The following SLC26A7 variants were observed in gnomAD, a reference collection of about 807,000 sequenced individuals.
The protein encoded by SLC26A7 is anion exchange transporter.
Under a neutral mutation model 82.5 loss-of-function variants are expected in SLC26A7, and 59 were observed. The observed-to-expected ratio is 0.72, with a 90% CI of 0.58 to 0.89. The LOEUF (loss-of-function observed/expected upper bound fraction) is 0.89, where lower values mean the gene tolerates loss of function less well. SLC26A7 is among the 40% of genes least tolerant of loss of function. The pLI is 0.00. For missense variants in SLC26A7, 820 were observed against 793.0 expected, an observed-to-expected ratio of 1.03 and a Z score of -0.41; for synonymous variants, 271 against 274.3, an observed-to-expected ratio of 0.99 and a Z score of 0.12.
chr8:91,383,626 A>G (rs1225065069), intron 15 of SLC26A7, among the ~76,000 whole-genome samples: 1 of 152,206 alleles, frequency 6.6e-6, no homozygotes, highest in Non-Finnish European at 1.5e-5. Flanking sequence ...TAGTAAAAAT[A>G]CAAATTTCTC....
In SLC26A7 at chr8:91,351,818, T is replaced by C; in HGVS notation, c.1149T>C (p.Cys383=). 2.5e-6 allele frequency: 4 copies of C among 1,610,904 alleles called. No homozygotes were observed. The highest frequency in any genetic ancestry group is 3.4e-6 in the Non-Finnish European group (4 of 1,177,584). Residue 383 remains cysteine, a synonymous_variant, in exon 10 of 19, where the codon TGT becomes TGC. Transcript: ENST00000276609. The stretch of plus-strand genomic sequence containing the variant: ...TGTCTTGTATTTTACAGGTGGCTTG[T>C]CTAATATCTTGCATTTTCGTCCTTA... The part of the protein sequence containing the change: ...YSTGAKTQVA[C]LISCIFVLIV...
intron 5 of SLC26A7, among the ~76,000 whole-genome samples, chr8:91,323,960 T>A (rs1812866815): frequency 2.0e-5 from 3 of 151,748 alleles, no homozygotes; most frequent in Admixed American, 2.0e-4. Flanking sequence ...TGGAGTAGTT[T>A]GGATTGCAGA....
In SLC26A7 at chr8:91,389,307, T is replaced by C. The variant is rs1414171028; in HGVS notation, c.1676-31T>C. The C allele has an allele frequency of 8.4e-6, 13 of 1,543,718 alleles. No individual in the cohort carries two copies. The South Asian group carries it at 1.5e-4, about 17-fold the overall frequency. ...CAGCAGCAGAAGTCTCTTAAAACTC[T>C]CCCTAACTCAAGTCTCTGTTTCTCC... On this transcript the variant is annotated intron_variant, in intron 15 of 18. Transcript: ENST00000276609.
rs556953019 is a variant in SLC26A7, at chr8:91,223,828, G to A, written c.-34+4823G>A. Among the ~76,000 whole-genome samples, 8 of 151,898 alleles carry A rather than the reference G, an allele frequency of 5.3e-5. 1 individual carries two copies. Among genetic ancestry groups the A allele is most frequent in the Admixed American group, 3.3e-4 (5 of 15,242 alleles). Reference sequence around the variant, plus strand: ...TGGTACTCCAATCAATCGTAGGTTCGGTCTTTTAAAGAAATCTCATATTTC... The same window carrying A: ...TGGTACTCCAATCAATCGTAGGTTCAGTCTTTTAAAGAAATCTCATATTTC... On this transcript the variant is annotated intron_variant, in intron 2 of 5. Coordinates refer to the SLC26A7 transcript ENST00000522862.
chr8:91,378,091 C>T (rs1275627583), intron 15 of SLC26A7, among the ~76,000 whole-genome samples: 2 of 151,804 alleles, frequency 1.3e-5, no homozygotes, highest in Non-Finnish European at 2.9e-5. Flanking sequence ...AACATTATTT[C>T]CCAAAGAATT....
At chr8:91,268,248 T>C (rs904146730) in intron 2 of SLC26A7, among the ~76,000 whole-genome samples, 1 of 151,886 alleles carries the variant, frequency 6.6e-6, no homozygotes, top group African/African-American at 2.4e-5. Flanking sequence ...TCCCCTACTA[T>C]TACTGTATTG....
chr8:91,299,185 G>C (rs192463811), intron 4 of SLC26A7, among the ~76,000 whole-genome samples: 7 of 152,164 alleles, frequency 4.6e-5, no homozygotes, highest in African/African-American at 1.2e-4. Flanking sequence ...AATTTTAAGA[G>C]TTCTTTATAT....
At chr8:91,334,229 A>G (rs903310343) in intron 5 of SLC26A7, 66 bp from the exon 6 acceptor site, 9 of 1,425,044 alleles carry the variant, frequency 6.3e-6, no homozygotes, top group South Asian at 4.0e-5. Flanking sequence ...TATTGGGGCC[A>G]TATTTTCATG....
chr8:91,212,055 G>A (rs1264552479), intron 1 of SLC26A7, among the ~76,000 whole-genome samples: 4 of 152,044 alleles, frequency 2.6e-5, no homozygotes, highest in Non-Finnish European at 5.9e-5. Context: ...TTTTCTAAAT[G>A]CTATAGTTCT....
At chr8:91,343,684 G>A (rs911690250) in intron 9 of SLC26A7, among the ~76,000 whole-genome samples, 1 of 152,192 alleles carries the variant, frequency 6.6e-6, no homozygotes, top group Admixed American at 6.5e-5. Context: ...AAAAAATTCT[G>A]TACAAATTGA....
intron 15 of SLC26A7, among the ~76,000 whole-genome samples, chr8:91,370,347 C>T (rs1814323230): frequency 6.6e-6 from 1 of 151,896 alleles, no homozygotes; most frequent in African/African-American, 2.4e-5. Flanking sequence ...TCTCCCACCT[C>T]TTTTCCTTTT....
chr8:91,394,545 C>T, intron 18 of SLC26A7: 5 of 1,259,946 alleles, frequency 4.0e-6, no homozygotes, highest in Non-Finnish European at 5.0e-6. Context: ...TACAACTGTT[C>T]TTAGAGCTTT....
rs1028534883 is a variant in SLC26A7, at chr8:91,397,534, T to C, written c.*2437T>C. The C allele has an allele frequency of 2.0e-5, 3 of 152,524 alleles. No individual in the cohort carries two copies. The highest frequency in any genetic ancestry group is 7.2e-5 in the African/African-American group (3 of 41,440). The allele number at this position is 152,524 out of a possible 1,614,324, so 9.4% of individuals were successfully genotyped here. ...ACCTATAAGAGTGTTAAGGACCTAA[T>C]AGAGTGACATATATAAATTAAGCAT... On this transcript the variant is annotated 3_prime_UTR_variant, in exon 19 of 19. Transcript: ENST00000276609.
At chr8:91,268,883 A>G (rs542820544) in intron 2 of SLC26A7, among the ~76,000 whole-genome samples, 7 of 151,618 alleles carry the variant, frequency 4.6e-5, no homozygotes, top group Non-Finnish European at 7.4e-5. Context: ...GGCTTACAAA[A>G]ATTTTTATAG....
intron 5 of SLC26A7, among the ~76,000 whole-genome samples, chr8:91,326,127 A>C (rs1812925158): frequency 6.6e-6 from 1 of 152,162 alleles, no homozygotes; most frequent in Non-Finnish European, 1.5e-5. Flanking sequence ...ATTATTGAAA[A>C]TGTTCTGTTT....
At chr8:91,233,651 T>G (rs1462129557) in intron 2 of SLC26A7, among the ~76,000 whole-genome samples, 1 of 152,116 alleles carries the variant, frequency 6.6e-6, no homozygotes, top group African/African-American at 2.4e-5. Flanking sequence ...ATCTCACCTT[T>G]CAGACAAATA....
intron 13 of SLC26A7, among the ~76,000 whole-genome samples, chr8:91,365,270 G>A (rs536231115): frequency 6.6e-6 from 1 of 152,252 alleles, no homozygotes; most frequent in Non-Finnish European, 1.5e-5. Context: ...ATTGTCTTGG[G>A]CCACACATAA....
intron 11 of SLC26A7, among the ~76,000 whole-genome samples, chr8:91,354,761 A>T (rs567230008): frequency 6.6e-6 from 1 of 152,216 alleles, no homozygotes; most frequent in African/African-American, 2.4e-5. Flanking sequence ...CCTCACCACC[A>T]GTTCATTATA....
chr8:91,224,833 G>C (rs546173745), intron 2 of SLC26A7, among the ~76,000 whole-genome samples: 1 of 152,154 alleles, frequency 6.6e-6, no homozygotes, highest in Non-Finnish European at 1.5e-5. Flanking sequence ...CACCCCTCCC[G>C]AGGAGCTCAG....
Sources: gnomAD v4.1 joint callset for allele counts (sites outside exome capture counted in the v4.1 genomes callset) on GRCh38, gnomAD v4.1.1 for gene constraint, MANE v1.5 for transcripts, NCBI Gene and HGNC (gene_info 2026-07-23, HGNC 2026-07-21) for gene names.